The following MACROD2 variants were observed in gnomAD, a reference collection of about 807,000 sequenced individuals.
The protein encoded by MACROD2 is mono-ADP ribosylhydrolase 2.
In MACROD2, 36 loss-of-function variants were observed where a neutral mutation model predicts 70.4. The observed-to-expected ratio is 0.51, with a 90% CI of 0.39 to 0.68. The LOEUF (loss-of-function observed/expected upper bound fraction) is 0.68. Among genes scored for constraint, MACROD2 ranks in the 30% least tolerant of loss-of-function variants. The pLI, the probability that MACROD2 is intolerant of heterozygous loss-of-function variation, is 0.00. For synonymous variants in MACROD2, 172 were observed against 178.8 expected, an observed-to-expected ratio of 0.96 and a Z score of 0.30; for missense variants, 496 against 538.4, an observed-to-expected ratio of 0.92 and a Z score of 0.78.
At chr20:14,535,969 T>C (rs1404756780) in intron 4 of MACROD2, among the ~76,000 whole-genome samples, 1 of 152,192 alleles carries the variant, frequency 6.6e-6, no homozygotes, top group Non-Finnish European at 1.5e-5. Flanking sequence ...TATAAAATAG[T>C]TTTGATCTAA....
intron 6 of MACROD2, among the ~76,000 whole-genome samples, chr20:15,233,708 C>A (rs2145989147): frequency 6.6e-6 from 1 of 151,618 alleles, no homozygotes. Flanking sequence ...TCAAATGGCT[C>A]ATTTTACGAT....
intron 8 of MACROD2, among the ~76,000 whole-genome samples, chr20:15,525,188 G>A (rs550105580): frequency 3.9e-5 from 6 of 152,284 alleles, no homozygotes; most frequent in Non-Finnish European, 7.3e-5. Context: ...AGGAACTCTT[G>A]TTACCTCTTG....
At chr20:15,220,257 T>C (rs1439698397) in intron 5 of MACROD2, among the ~76,000 whole-genome samples, 1 of 152,212 alleles carries the variant, frequency 6.6e-6, no homozygotes, top group African/African-American at 2.4e-5. Flanking sequence ...TCTAATCTGG[T>C]ACATCATTCC....
chr20:15,795,921 A>G (rs530543774), intron 8 of MACROD2, among the ~76,000 whole-genome samples: 40 of 152,298 alleles, frequency 2.6e-4, no homozygotes, highest in African/African-American at 7.7e-4. Context: ...ATAATGCCAC[A>G]TTAGCATTTC....
Position 14,717,965 on chromosome 20 carries a change from T to TAC in MACROD2, c.418+33020_418+33021dup, listed in dbSNP as rs535790336. The stretch of plus-strand genomic sequence containing the variant: ...GCTATTAAAACAAACAAACCAAAAA[T>TAC]ACACACACACACACAAATGCACACA... On this transcript the variant is annotated intron_variant, in intron 5 of 17. Transcript: ENST00000684519. 5.7e-3 allele frequency among the ~76,000 whole-genome samples: 856 copies of TAC among 151,280 alleles called. 6 individuals are homozygous for TAC. The highest frequency in any genetic ancestry group is 0.02 in the African/African-American group (811 of 41,262).
chr20:14,735,767 C>A (rs966215498), intron 5 of MACROD2, among the ~76,000 whole-genome samples: 15 of 151,988 alleles, frequency 9.9e-5, no homozygotes, highest in African/African-American at 3.6e-4. Context: ...GAAGGATCAC[C>A]TGATCCCAGG....
chr20:14,215,709 C>A (rs573127335), intron 3 of MACROD2, among the ~76,000 whole-genome samples: 1 of 152,248 alleles, frequency 6.6e-6, no homozygotes, highest in South Asian at 2.1e-4. Flanking sequence ...TCCATTCTTG[C>A]AGGAGTGAGG....
chr20:15,536,524 T>C (rs1337530510), intron 8 of MACROD2, among the ~76,000 whole-genome samples: 2 of 152,218 alleles, frequency 1.3e-5, no homozygotes, highest in Non-Finnish European at 2.9e-5. Flanking sequence ...CATGTATTAA[T>C]TGTACTGCTA....
intron 5 of MACROD2, among the ~76,000 whole-genome samples, chr20:14,790,263 A>AT (rs1380026907): frequency 1.4e-5 from 2 of 142,882 alleles, no homozygotes; most frequent in Non-Finnish European, 3.1e-5. Flanking sequence ...AATTTGGTTC[A>AT]TTTAAAAAAA....
At chr20:14,711,721 C>A (rs2071341205) in intron 5 of MACROD2, among the ~76,000 whole-genome samples, 1 of 152,174 alleles carries the variant, frequency 6.6e-6, no homozygotes, top group Non-Finnish European at 1.5e-5. Context: ...TCCCCCGCCC[C>A]AGCCCCAGTA....
intron 2 of MACROD2, chr20:14,052,996 G>C (rs1343817108): frequency 6.6e-6 from 1 of 151,058 alleles, no homozygotes; most frequent in Admixed American, 6.6e-5. Flanking sequence ...TATAATAGTA[G>C]AGTTTTTTTT....
intron 6 of MACROD2, among the ~76,000 whole-genome samples, chr20:15,426,040 C>T (rs1400640192): frequency 6.6e-6 from 1 of 152,110 alleles, no homozygotes; most frequent in Non-Finnish European, 1.5e-5. Context: ...GAGTCTACAG[C>T]CTTAAGGATT....
intron 5 of MACROD2, among the ~76,000 whole-genome samples, chr20:14,799,987 G>T (rs1183682764): frequency 6.6e-6 from 1 of 152,012 alleles, no homozygotes; most frequent in East Asian, 1.9e-4. Context: ...CTAAATAAAA[G>T]ATTAGATGCC....
intron 7 of MACROD2, among the ~76,000 whole-genome samples, chr20:15,458,671 T>C (rs909572150): frequency 6.6e-6 from 1 of 151,158 alleles, no homozygotes; most frequent in African/African-American, 2.4e-5. Flanking sequence ...ATTTATTCAG[T>C]AGGTGTCCAC....
At chr20:14,066,894 C>T (rs1302252706) in intron 2 of MACROD2, among the ~76,000 whole-genome samples, 1 of 146,144 alleles carries the variant, frequency 6.8e-6, no homozygotes, top group Non-Finnish European at 1.5e-5. Flanking sequence ...TCTCTGCAAG[C>T]TCTGCCTCCT....
At chr20:15,351,190 A>G (rs1304168154) in intron 6 of MACROD2, among the ~76,000 whole-genome samples, 2 of 152,156 alleles carry the variant, frequency 1.3e-5, no homozygotes, top group African/African-American at 4.8e-5. Flanking sequence ...CAGTTACACT[A>G]TGACACAAGA....
chr20:15,822,079 A>G (rs566695667), intron 8 of MACROD2, among the ~76,000 whole-genome samples: 2 of 152,016 alleles, frequency 1.3e-5, no homozygotes, highest in East Asian at 2.0e-4. Flanking sequence ...AGAAGCATTG[A>G]AAAAACAAGT....
At chr20:15,526,561 A>C (rs1001402348) in intron 8 of MACROD2, among the ~76,000 whole-genome samples, 2 of 152,170 alleles carry the variant, frequency 1.3e-5, no homozygotes, top group Non-Finnish European at 2.9e-5. Context: ...GAATGAGTAG[A>C]CAGGATATGT....
chr20:15,655,361 T>G (rs1209552509), intron 8 of MACROD2, among the ~76,000 whole-genome samples: 1 of 151,672 alleles, frequency 6.6e-6, no homozygotes, highest in Non-Finnish European at 1.5e-5. Context: ...TCTCTGTTGA[T>G]TTACCGATAG....
Sources: gnomAD v4.1 joint callset for allele counts (sites outside exome capture counted in the v4.1 genomes callset) on GRCh38, gnomAD v4.1.1 for gene constraint, MANE v1.5 for transcripts, NCBI Gene and HGNC (gene_info 2026-07-23, HGNC 2026-07-21) for gene names.